Variants in CSMD1 observed in about 807,000 individuals in gnomAD.
CSMD1 encodes CUB and Sushi multiple domains 1, also known as CUB and sushi domain-containing protein 1.
In CSMD1, 213 loss-of-function variants were observed where a neutral mutation model predicts 417.5. The ratio of observed to expected loss-of-function variants is 0.51; its 90% CI spans 0.46 to 0.57. The LOEUF (loss-of-function observed/expected upper bound fraction) is 0.57. Ranked by LOEUF, CSMD1 falls within the 20% of genes least tolerant of loss-of-function variation. The pLI is 0.00. For synonymous variants in CSMD1, 2,862 were observed against 1,736.8 expected (o/e 1.65, Z -16.11); for missense variants, 6,923 against 4,529.7 (o/e 1.53, Z -15.17).
chr8:4,451,489 A>G (rs1219583597), intron 2 of CSMD1, among the ~76,000 whole-genome samples: 1 of 152,238 alleles, frequency 6.6e-6, no homozygotes, highest in African/African-American at 2.4e-5. Context: ...TTACCCATAG[A>G]GAAATATTAA....
intron 26 of CSMD1, among the ~76,000 whole-genome samples, chr8:3,230,993 A>G (rs952787202): frequency 2.6e-5 from 4 of 152,128 alleles, no homozygotes; most frequent in African/African-American, 9.7e-5. Context: ...AATCATGTGT[A>G]AAGTGCATTG....
Position 4,377,327 on chromosome 8 carries a change from G to A in CSMD1, c.415+42626C>T, listed in dbSNP as rs1802816932. Among the ~76,000 whole-genome samples, 5 of 152,148 alleles carry A rather than the reference G, an allele frequency of 3.3e-5. No homozygotes were observed. The South Asian group carries it at 8.3e-4, about 25-fold the overall frequency. On this transcript the variant is annotated intron_variant, in intron 3 of 69. Coordinates refer to ENST00000635120, the MANE Select transcript of CSMD1 (RefSeq NM_033225.6). The stretch of plus-strand genomic sequence containing the variant: ...TCACCACAGCCCAAAACCTTGGTCG[G>A]GGGAGGCTTAGAGCTTACTAATTTG...
intron 7 of CSMD1, among the ~76,000 whole-genome samples, chr8:3,678,902 A>C (rs1241169330): frequency 1.3e-5 from 2 of 152,178 alleles, no homozygotes; most frequent in African/African-American, 4.8e-5. Flanking sequence ...TAAAGAAAAC[A>C]ATTTTCAACC....
intron 1 of CSMD1, among the ~76,000 whole-genome samples, chr8:4,906,336 T>G (rs571504871): frequency 3.0e-4 from 45 of 152,352 alleles, no homozygotes; most frequent in Middle Eastern, 3.4e-3. Context: ...ATTATTTTCC[T>G]TTAAAACACA....
At chr8:3,092,018 G>A in intron 47 of CSMD1, among the ~76,000 whole-genome samples, 1 of 152,102 alleles carries the variant, frequency 6.6e-6, no homozygotes. Context: ...TAATACTAGT[G>A]GAAGCGTAAA....
intron 29 of CSMD1, among the ~76,000 whole-genome samples, chr8:3,217,441 G>A (rs1220482977): frequency 6.6e-6 from 1 of 152,136 alleles, no homozygotes; most frequent in Non-Finnish European, 1.5e-5. Context: ...TAGGATGCCG[G>A]GGAGAACAGG....
At chr8:4,185,341 G>C (rs183590816) in intron 3 of CSMD1, among the ~76,000 whole-genome samples, 2 of 151,914 alleles carry the variant, frequency 1.3e-5, no homozygotes, top group African/African-American at 4.8e-5. Flanking sequence ...CAATAGTTTT[G>C]TCACAGGTTT....
At chr8:4,257,516 C>T (rs1386802875) in intron 3 of CSMD1, among the ~76,000 whole-genome samples, 3 of 151,982 alleles carry the variant, frequency 2.0e-5, no homozygotes, top group African/African-American at 4.8e-5. Flanking sequence ...AGCCCTTTTT[C>T]AATACAGTTT....
intron 5 of CSMD1, among the ~76,000 whole-genome samples, chr8:3,956,020 C>A (rs1357125888): frequency 6.6e-6 from 1 of 152,178 alleles, no homozygotes; most frequent in Non-Finnish European, 1.5e-5. Context: ...GTCTCGAACT[C>A]CTGACCTCAG....
At position 3,305,743 on chromosome 8, in the gene CSMD1, G is replaced by C. The variant is rs186674125; in HGVS notation, c.3950+1952C>G. 1.6e-3 allele frequency among the ~76,000 whole-genome samples: 237 copies of C among 152,200 alleles called. 2 individuals are homozygous for C. Among genetic ancestry groups the C allele is most frequent in the African/African-American group, 5.2e-3 (215 of 41,544 alleles). On this transcript the variant is annotated intron_variant, in intron 25 of 69. Transcript: ENST00000635120. ...TGCCCAGGTTGGAGTACAGTGGCAC[G>C]ATCTCAGCTCACTGCAGGCTCCACC...
intron 3 of CSMD1, among the ~76,000 whole-genome samples, chr8:4,144,645 C>G (rs1303371544): frequency 6.6e-6 from 1 of 150,918 alleles, no homozygotes; most frequent in East Asian, 1.9e-4. Flanking sequence ...TTCTTTTTAT[C>G]AGGAGATAAT....
chr8:4,525,368 A>C (rs1489117887), intron 2 of CSMD1, among the ~76,000 whole-genome samples: 1 of 152,118 alleles, frequency 6.6e-6, no homozygotes, highest in Non-Finnish European at 1.5e-5. Context: ...TCCAATCTTA[A>C]CACTCCCCTT....
chr8:3,551,596 A>ATATAT (rs1261877187), intron 10 of CSMD1, among the ~76,000 whole-genome samples: 1 of 113,448 alleles, frequency 8.8e-6, no homozygotes, highest in East Asian at 2.9e-4. Context: ...ATATATATAT[A>ATATAT]TTTTTTTTTT....
At chr8:4,617,159 T>C (rs1801516624) in intron 2 of CSMD1, among the ~76,000 whole-genome samples, 1 of 152,330 alleles carries the variant, frequency 6.6e-6, no homozygotes, top group South Asian at 2.1e-4. Context: ...ATTTCTATTA[T>C]CACTATCTGC....
intron 3 of CSMD1, among the ~76,000 whole-genome samples, chr8:4,200,919 A>T (rs572719248): frequency 1.3e-5 from 2 of 152,334 alleles, no homozygotes; most frequent in South Asian, 4.1e-4. Context: ...TTTAAAGTAT[A>T]TGCATTCATG....
In CSMD1 at chr8:4,427,375, C is replaced by T. The variant is rs537993438; in HGVS notation, c.303-7310G>A. Among the ~76,000 whole-genome samples the T allele has an allele frequency of 9.1e-4, 138 of 152,142 alleles. 2 individuals are homozygous for T. The South Asian group carries it at 0.027, about 30-fold the overall frequency. ...GACACGGCAGAGGGTGATCTGGAAC[C>T]AGGTGCTTTATCAACCCCTAGGTAC... On this transcript the variant is annotated intron_variant, in intron 2 of 69. Coordinates refer to ENST00000635120, the MANE Select transcript of CSMD1 (RefSeq NM_033225.6).
At position 3,396,186 on chromosome 8, in the gene CSMD1, C is replaced by T; in HGVS notation, c.2593+8G>A. 4 of 1,555,184 alleles carry T rather than the reference C, an allele frequency of 2.6e-6. No individual in the cohort carries two copies. The highest frequency in any genetic ancestry group is 3.5e-6 in the Non-Finnish European group (4 of 1,149,460). On this transcript the variant is annotated splice_region_variant and intron_variant, in intron 17 of 69. Coordinates refer to ENST00000635120, the MANE Select transcript of CSMD1 (RefSeq NM_033225.6). ...CCTGCCGGGCTGTCAAGGGAAGGTG[C>T]AACTCACTCTCATAGTGGATGAGGA...
At position 3,247,986 on chromosome 8, in the gene CSMD1, T is replaced by C. The variant is rs148289371; in HGVS notation, c.4154-17755A>G. Among the ~76,000 whole-genome samples the C allele has an allele frequency of 2.0e-3, 304 of 152,254 alleles. 3 individuals are homozygous for C. Among genetic ancestry groups the C allele is most frequent in the African/African-American group, 7.1e-3 (296 of 41,546 alleles). On this transcript the variant is annotated intron_variant, in intron 26 of 69. Transcript: ENST00000635120. ...CCCGAAATCTGCAGGTCGCCAATTG[T>C]TTACTTTCTACATCAACATCATCAA...
chr8:4,699,194 T>C (rs1807350793), intron 1 of CSMD1, among the ~76,000 whole-genome samples: 1 of 152,216 alleles, frequency 6.6e-6, no homozygotes, highest in Non-Finnish European at 1.5e-5. Context: ...GCCTGCTAAG[T>C]ATGTAAAGTT....
Sources: gnomAD v4.1 joint callset for allele counts (sites outside exome capture counted in the v4.1 genomes callset) on GRCh38, gnomAD v4.1.1 for gene constraint, MANE v1.5 for transcripts, NCBI Gene and HGNC (gene_info 2026-07-23, HGNC 2026-07-21) for gene names.